Variants in CACNA1C observed in about 807,000 individuals in gnomAD.
The protein encoded by CACNA1C is calcium voltage-gated channel subunit alpha1 C.
In CACNA1C, 30 loss-of-function variants were observed where a neutral mutation model predicts 229.0. The observed-to-expected ratio is 0.13, with a 90% CI of 0.10 to 0.18. The LOEUF is 0.18. CACNA1C is among the 10% of genes least tolerant of loss of function. The pLI is 1.00. For synonymous variants in CACNA1C, 1,114 were observed against 1,132.5 expected, an observed-to-expected ratio of 0.98 and a Z score of 0.33; for missense variants, 1,658 against 2,845.0, an observed-to-expected ratio of 0.58 and a Z score of 9.49.
At chr12:2,509,896 T>C (rs1400320210) in intron 8 of CACNA1C, among the ~76,000 whole-genome samples, 3 of 152,180 alleles carry the variant, frequency 2.0e-5, no homozygotes, top group Non-Finnish European at 2.9e-5. Flanking sequence ...GAGTATTGAT[T>C]CTGGAGTTAC....
At chr12:2,682,067 C>T (rs764418363) in intron 42 of CACNA1C, 1 of 1,448,138 alleles carries the variant, frequency 6.9e-7, no homozygotes, top group Non-Finnish European at 9.7e-7. Flanking sequence ...GAGGCTTCCT[C>T]TCTGTGCCTT....
chr12:2,120,351 C>A lies in CACNA1C; in HGVS notation c.398C>A (p.Thr133Asn). The A allele has an allele frequency of 6.2e-7, 1 of 1,600,598 alleles. No homozygotes were observed. Among genetic ancestry groups the A allele is most frequent in the Non-Finnish European group, 8.6e-7 (1 of 1,167,648 alleles). ...WKPFEIIILL[T>N]IFANCVALAI... is the part of the protein sequence containing the mutation. ...CCATTTGAAATAATTATTTTACTGA[C>A]TATTTTTGCCAATTGTGTGGCCTTA... Residue 133 changes from threonine to asparagine, a missense_variant, in exon 3 of 47, where the codon ACT becomes AAT. This residue lies in a region of CACNA1C where 89 missense variants were observed against 177.8 expected (regional missense o/e 0.50). Coordinates refer to ENST00000399655, the MANE Select transcript of CACNA1C (RefSeq NM_000719.7).
intron 3 of CACNA1C, among the ~76,000 whole-genome samples, chr12:2,437,347 T>C (rs1004160686): frequency 1.3e-5 from 2 of 152,182 alleles, no homozygotes; most frequent in African/African-American, 2.4e-5. Flanking sequence ...CTTCCCATTC[T>C]GACAATTGTG....
At chr12:2,026,652 C>T (rs567977080) in intron 1 of CACNA1C, among the ~76,000 whole-genome samples, 3 of 152,252 alleles carry the variant, frequency 2.0e-5, no homozygotes, top group South Asian at 4.1e-4. Context: ...TAAATATTGG[C>T]TTTTTTACAC....
At chr12:2,031,669 G>A (rs993475322) in intron 1 of CACNA1C, among the ~76,000 whole-genome samples, 8 of 152,140 alleles carry the variant, frequency 5.3e-5, no homozygotes, top group Admixed American at 2.6e-4. Context: ...AGTTATTGGG[G>A]AGATTTTAAA....
At chr12:2,419,694 A>G (rs533860588) in intron 3 of CACNA1C, among the ~76,000 whole-genome samples, 5 of 152,204 alleles carry the variant, frequency 3.3e-5, no homozygotes, top group African/African-American at 1.2e-4. Context: ...CCCTCTAGAC[A>G]GGGGCACAAA....
Position 2,500,297 on chromosome 12 carries a change from C to G in CACNA1C, c.1114-4545C>G, listed in dbSNP as rs574854699. ...CATGACCTTGAGGTCTGTAGCTCCC[C>G]CTTTGAAGTCCTTCATATGCTGGAA... On this transcript the variant is annotated intron_variant, in intron 7 of 46. Transcript: ENST00000399655. 2.0e-5 allele frequency among the ~76,000 whole-genome samples: 3 copies of G among 152,266 alleles called. No individual in the cohort carries two copies. In the South Asian group the frequency reaches 6.2e-4, roughly 32 times the overall value.
At chr12:2,142,909 G>T (rs2094392076) in intron 3 of CACNA1C, among the ~76,000 whole-genome samples, 1 of 151,204 alleles carries the variant, frequency 6.6e-6, no homozygotes, top group Admixed American at 6.6e-5. Context: ...AAATTAAAAG[G>T]TTTGTAAAGT....
chr12:2,325,054 T>C (rs1327625125), intron 3 of CACNA1C, among the ~76,000 whole-genome samples: 4 of 152,138 alleles, frequency 2.6e-5, no homozygotes, highest in Non-Finnish European at 5.9e-5. Context: ...GTTTCAAAGC[T>C]CTGCCTGGAC....
chr12:2,605,844 G>A lies in CACNA1C; in HGVS notation c.3156+58G>A. 1 of 1,174,418 alleles carries A rather than the reference G, an allele frequency of 8.5e-7. No individual in the cohort carries two copies. The highest frequency in any genetic ancestry group is 1.3e-6 in the Non-Finnish European group (1 of 780,318). 72.7% of individuals were successfully genotyped at this position (1,174,418 alleles called of 1,614,324 possible). ...CTCCCCTCCCATCAGCATTCCTGGGGAAGGGAACTGGCAGATATAGTACAA... is the reference window on the plus strand; with the variant it reads ...CTCCCCTCCCATCAGCATTCCTGGGAAAGGGAACTGGCAGATATAGTACAA... On this transcript the variant is annotated intron_variant, in intron 24 of 46. Coordinates refer to ENST00000399655, the MANE Select transcript of CACNA1C (RefSeq NM_000719.7). The surrounding 1 kb of genome is among the most constrained non-coding windows in gnomAD (Gnocchi z 6.2).
intron 3 of CACNA1C, among the ~76,000 whole-genome samples, chr12:2,255,283 AAAAC>A (rs1311640352): frequency 6.6e-6 from 1 of 152,090 alleles, no homozygotes; most frequent in Non-Finnish European, 1.5e-5. Context: ...AAAAAAAAAA[AAAAC>A]CTAGTTACTA....
At chr12:2,438,230 ATGG>A (rs2099166300) in intron 3 of CACNA1C, among the ~76,000 whole-genome samples, 1 of 111,238 alleles carries the variant, frequency 9.0e-6, no homozygotes, top group Admixed American at 8.9e-5. Context: ...GGTGGTTGTG[ATGG>A]TGGGGATGGT....
At chr12:2,230,422 C>T (rs1353293074) in intron 3 of CACNA1C, among the ~76,000 whole-genome samples, 2 of 152,192 alleles carry the variant, frequency 1.3e-5, no homozygotes, top group African/African-American at 4.8e-5. Context: ...CACAGTCAGC[C>T]CTCTGCCGGC....
intron 1 of CACNA1C, among the ~76,000 whole-genome samples, chr12:2,074,210 T>A (rs2062364283): frequency 6.6e-6 from 1 of 152,214 alleles, no homozygotes; most frequent in Admixed American, 6.5e-5. Context: ...TATTCTTCCC[T>A]TTTTATTCAG....
At chr12:2,218,880 A>G (rs966032772) in intron 3 of CACNA1C, among the ~76,000 whole-genome samples, 1 of 152,166 alleles carries the variant, frequency 6.6e-6, no homozygotes, top group African/African-American at 2.4e-5. Context: ...AGTATCTAGC[A>G]GCCTGAGTGT....
intron 3 of CACNA1C, among the ~76,000 whole-genome samples, chr12:2,314,400 G>A (rs962087670): frequency 6.6e-6 from 1 of 152,154 alleles, no homozygotes; most frequent in African/African-American, 2.4e-5. Flanking sequence ...TGCAAACATT[G>A]TGAGTGCACA....
At chr12:2,496,266 C>G (rs1028669916) in intron 7 of CACNA1C, among the ~76,000 whole-genome samples, 5 of 152,152 alleles carry the variant, frequency 3.3e-5, no homozygotes, top group African/African-American at 9.7e-5. Flanking sequence ...TTGAACCCTT[C>G]TAAGGAGATA....
intron 3 of CACNA1C, among the ~76,000 whole-genome samples, chr12:2,123,617 T>C (rs1022098983): frequency 6.6e-6 from 1 of 152,140 alleles, no homozygotes; most frequent in Admixed American, 6.5e-5. Context: ...AAACGAAACA[T>C]AGCCCAGGTG....
chr12:2,613,897 A>G (rs2079103394), intron 29 of CACNA1C: 1 of 152,368 alleles, frequency 6.6e-6, no homozygotes. Flanking sequence ...ATTTTCATAC[A>G]GTGTCACGAG....
Sources: allele counts gnomAD v4.1 joint callset (sites outside exome capture counted in the v4.1 genomes callset), GRCh38; gene constraint gnomAD v4.1.1; regional missense constraint gnomAD v4.1.1; non-coding constraint Gnocchi (gnomAD v3.1); transcripts MANE v1.5; gene names NCBI Gene and HGNC (gene_info 2026-07-23, HGNC 2026-07-21).